The following ZNF778 variants were observed in gnomAD, a reference collection of about 807,000 sequenced individuals.
ZNF778 encodes the protein zinc finger protein 778.
Under a neutral mutation model 23.9 loss-of-function variants are expected in ZNF778, and 37 were observed. The ratio of observed to expected loss-of-function variants is 1.54; its 90% confidence interval spans 1.19 to 2.03. The LOEUF (loss-of-function observed/expected upper bound fraction) is 2.03. ZNF778 is among the 30% of genes most tolerant of loss of function. ZNF778 has a pLI of 0.00. For missense variants in ZNF778, 1,297 were observed against 934.4 expected (o/e 1.39, Z -5.06); for synonymous variants, 483 against 343.9 (o/e 1.40, Z -4.48).
intron 1 of ZNF778, among the ~76,000 whole-genome samples, chr16:89,219,168 C>G (rs1451108833): frequency 6.7e-6 from 1 of 150,352 alleles, no homozygotes; most frequent in Non-Finnish European, 1.5e-5. Context: ...TGTGTAATAT[C>G]TAGGATTCTC....
At position 89,233,946 on chromosome 16, in the gene ZNF778, C is replaced by G. The variant is rs1025143506; in HGVS notation, c.*5384C>G. 7 of 1,284,724 alleles carry G rather than the reference C, an allele frequency of 5.4e-6. No individual in the cohort carries two copies. The African/African-American group carries it at 9.1e-5, about 17-fold the overall frequency. 79.6% of individuals were successfully genotyped at this position (1,284,724 alleles called of 1,614,324 possible). A position where few individuals can be genotyped will look rare whatever the true frequency, so the allele number is the denominator to read the frequency against. The stretch of plus-strand genomic sequence containing the variant: ...GCAGGACATGCTGTATGCCCTTGGG[C>G]CTGCTGGAAGTATGCAGACTAGCCA... On this transcript the variant is annotated 3_prime_UTR_variant, in exon 7 of 7. Coordinates refer to ENST00000433976, the MANE Select transcript of ZNF778 (RefSeq NM_001201407.2).
At position 89,230,261 on chromosome 16, in the gene ZNF778, G is replaced by A. The variant is rs1429307145; in HGVS notation, c.*1699G>A. 9 of 184,272 alleles carry A rather than the reference G, an allele frequency of 4.9e-5. No homozygotes were observed. Among genetic ancestry groups the A allele is most frequent in the Admixed American group, 2.6e-4 (4 of 15,316 alleles). The allele number at this position is 184,272 out of a possible 1,614,324, so 11.4% of individuals were successfully genotyped here. A position where few individuals can be genotyped will look rare whatever the true frequency, so the allele number is the denominator to read the frequency against. On this transcript the variant is annotated 3_prime_UTR_variant, in exon 7 of 7. Transcript: ENST00000433976. ...GAGGTCTGTACCCTGAGATGCCCCC[G>A]TTTCATGGCCGTGGAGGGAGAACCA...
In ZNF778 at chr16:89,227,412, G is replaced by T. The variant is rs577915311; in HGVS notation, c.1124G>T (p.Gly375Val). Residue 375 changes from glycine to valine, a missense_variant, in exon 7 of 7, where the codon GGT becomes GTT. Gly to Val is a moderately radical substitution (Grantham distance 109). Coordinates refer to ENST00000433976, the MANE Select transcript of ZNF778 (RefSeq NM_001201407.2). ...YECKDCGKAC[G>V]GFYLLNEHGK... ...TGTAAGGACTGTGGGAAAGCCTGCG[G>T]TGGGTTTTATCTACTGAATGAGCAT... 3 of 1,612,152 alleles carry T rather than the reference G, an allele frequency of 1.9e-6. No individual in the cohort carries two copies. Among genetic ancestry groups the T allele is most frequent in the Non-Finnish European group, 2.5e-6 (3 of 1,179,190 alleles).
In ZNF778 at chr16:89,228,844, A is replaced by G. The variant is rs1252608120; in HGVS notation, c.*282A>G. ...TGTTGCTGTTCTGCTCAGTACTTTG[A>G]TGATCCCTTGTGATCTCACAATGAA... On this transcript the variant is annotated 3_prime_UTR_variant, in exon 7 of 7. Transcript: ENST00000433976. The G allele has an allele frequency of 8.8e-7, 1 of 1,130,422 alleles. No homozygotes were observed. The highest frequency in any genetic ancestry group is 1.1e-6 in the Non-Finnish European group (1 of 922,096). The allele number at this position is 1,130,422 out of a possible 1,614,324, so 70.0% of individuals were successfully genotyped here. A position where few individuals can be genotyped will look rare whatever the true frequency, so the allele number is the denominator to read the frequency against.
At chr16:89,226,634 G>A (rs2031493157) in intron 6 of ZNF778, 60 bp from the exon 7 acceptor site, 1 of 1,438,032 alleles carries the variant, frequency 7.0e-7, no homozygotes, top group Non-Finnish European at 9.5e-7. Flanking sequence ...TCTTCAGCTG[G>A]GTGAGATCTA....
In ZNF778 at chr16:89,227,797, A is replaced by G. The variant is rs199769385; in HGVS notation, c.1509A>G (p.Lys503=). The G allele has an allele frequency of 2.5e-6, 4 of 1,613,828 alleles. No homozygotes were observed. The East Asian group carries it at 8.9e-5, about 36-fold the overall frequency. The change falls in exon 7 of 7, where the codon AAA becomes AAG. Residue 503 remains lysine, a synonymous_variant. Coordinates refer to ENST00000433976, the MANE Select transcript of ZNF778 (RefSeq NM_001201407.2). ...TEHARIHTGE[K]PYECKQCGKA... ...ACGCGAGAATCCATACCGGAGAGAA[A>G]CCCTACGAATGTAAGCAGTGTGGCA...
rs1477433696 is a variant in ZNF778, at chr16:89,221,029, G to A, written c.-99G>A. On this transcript the variant is annotated 5_prime_UTR_variant, in exon 2 of 7. Transcript: ENST00000433976. Reference sequence around the variant, plus strand: ...GGATCCAGCCATCCGTGGGTCAGGAGGAATGGAGACTGTACCTTCCACATA... The same window carrying A: ...GGATCCAGCCATCCGTGGGTCAGGAAGAATGGAGACTGTACCTTCCACATA... The A allele has an allele frequency of 2.2e-6, 3 of 1,359,530 alleles. No homozygotes were observed. Among genetic ancestry groups the A allele is most frequent in the African/African-American group, 1.4e-5 (1 of 69,300 alleles). 84.2% of individuals were successfully genotyped at this position (1,359,530 alleles called of 1,614,324 possible). A position where few individuals can be genotyped will look rare whatever the true frequency, so the allele number is the denominator to read the frequency against.
chr16:89,224,246 G>A (rs1285973924), intron 4 of ZNF778, among the ~76,000 whole-genome samples: 1 of 151,846 alleles, frequency 6.6e-6, no homozygotes, highest in Non-Finnish European at 1.5e-5. Flanking sequence ...CAGCACTCTG[G>A]GATGCTGGAC....
Position 89,235,274 on chromosome 16 carries a change from G to A in ZNF778, c.*6712G>A, listed in dbSNP as rs1382246339. 2.0e-5 allele frequency: 3 copies of A among 151,322 alleles called. No homozygotes were observed. Among genetic ancestry groups the A allele is most frequent in the South Asian group, 2.1e-4 (1 of 4,810 alleles). The allele number at this position is 151,322 out of a possible 1,614,324, so 9.4% of individuals were successfully genotyped here. Reference sequence around the variant, plus strand: ...AGATCGGGGCCTCATGCTGACTTCCGTTTTCACACAACGAGTGGGAAACAG... The same window carrying A: ...AGATCGGGGCCTCATGCTGACTTCCATTTTCACACAACGAGTGGGAAACAG... On this transcript the variant is annotated 3_prime_UTR_variant, in exon 7 of 7. Coordinates refer to ENST00000433976, the MANE Select transcript of ZNF778 (RefSeq NM_001201407.2).
chr16:89,228,153 G>A lies in ZNF778; in HGVS notation c.1865G>A (p.Cys622Tyr). 1 of 1,613,590 alleles carries A rather than the reference G, an allele frequency of 6.2e-7. No individual in the cohort carries two copies. The highest frequency in any genetic ancestry group is 8.5e-7 in the Non-Finnish European group (1 of 1,179,676). The part of the protein sequence containing the change: ...TGEKPYECKV[C>Y]GKAFTTSSHL... ...GAGAAACCTTATGAATGTAAAGTAT[G>A]CGGAAAGGCCTTCACCACATCCTCA... Residue 622 changes from cysteine to tyrosine, a missense_variant, in exon 7 of 7, where the codon TGC (cysteine) becomes TAC (tyrosine). Coordinates refer to ENST00000433976, the MANE Select transcript of ZNF778 (RefSeq NM_001201407.2).
In ZNF778 at chr16:89,230,126, T is replaced by G. The variant is rs2031837348; in HGVS notation, c.*1564T>G. ...TGTAGGGTCCCACACTGGCCAATGTTGGGGCATAACACAGCTCTACATTTT... is the reference window on the plus strand; with the variant it reads ...TGTAGGGTCCCACACTGGCCAATGTGGGGGCATAACACAGCTCTACATTTT... On this transcript the variant is annotated 3_prime_UTR_variant, in exon 7 of 7. Transcript: ENST00000433976. 1 of 743,924 alleles carries G rather than the reference T, an allele frequency of 1.3e-6. No individual in the cohort carries two copies. Among genetic ancestry groups the G allele is most frequent in the Non-Finnish European group, 1.6e-6 (1 of 610,784 alleles). The allele number at this position is 743,924 out of a possible 1,614,324, so 46.1% of individuals were successfully genotyped here. A position where few individuals can be genotyped will look rare whatever the true frequency, so the allele number is the denominator to read the frequency against.
intron 6 of ZNF778, among the ~76,000 whole-genome samples, chr16:89,226,433 G>A (rs1430308836): frequency 4.6e-5 from 7 of 152,182 alleles, no homozygotes; most frequent in Middle Eastern, 3.4e-3. Flanking sequence ...TTGAACTCCC[G>A]ACCTCAGGTG....
rs945597797 is a variant in ZNF778 at position 89,229,382 on chromosome 16, G to T, written c.*820G>T. On this transcript the variant is annotated 3_prime_UTR_variant, in exon 7 of 7. Coordinates refer to ENST00000433976, the MANE Select transcript of ZNF778 (RefSeq NM_001201407.2). ...GTGTGAGCACTGTAGGCTCTGGTTGGTTAGTCTTGAGGATCCAGATGTGAT... is the reference window on the plus strand; with the variant it reads ...GTGTGAGCACTGTAGGCTCTGGTTGTTTAGTCTTGAGGATCCAGATGTGAT... The T allele has an allele frequency of 6.1e-6, 6 of 984,390 alleles. No individual in the cohort carries two copies. The highest frequency in any genetic ancestry group is 1.8e-5 in the African/African-American group (1 of 56,684). 61.0% of individuals were successfully genotyped at this position (984,390 alleles called of 1,614,324 possible).
In ZNF778 at chr16:89,221,162, G is replaced by A. The variant is rs370179855; in HGVS notation, c.25+10G>A. 32 of 1,559,258 alleles carry A rather than the reference G, an allele frequency of 2.1e-5. No individual in the cohort carries two copies. The African/African-American group carries it at 3.1e-4, about 15-fold the overall frequency. ...CCTGACCTGGCCCACGGTAAGTCCT[G>A]GTGGGGCTCCTTCTCAGAGCCTCTG... On this transcript the variant is annotated intron_variant, in intron 2 of 6. Coordinates refer to ENST00000433976, the MANE Select transcript of ZNF778 (RefSeq NM_001201407.2).
chr16:89,218,643 T>C (rs953278119), intron 1 of ZNF778, among the ~76,000 whole-genome samples: 1 of 151,054 alleles, frequency 6.6e-6, no homozygotes, highest in Non-Finnish European at 1.5e-5. Flanking sequence ...TACAAAAAAT[T>C]AGCCGGGCGT....
rs370776760 is a variant in ZNF778 at position 89,228,220 on chromosome 16, C to G, written c.1932C>G (p.Pro644=). ...VHIRTHTGEK[P]YICKECGKAF... is the part of the protein sequence containing the mutation. The stretch of plus-strand genomic sequence containing the variant: ...TAAGAACCCACACCGGTGAGAAACC[C>G]TACATATGTAAGGAGTGTGGGAAAG... The change falls in exon 7 of 7, where the codon CCC becomes CCG. Residue 644 remains proline, a synonymous_variant. Coordinates refer to ENST00000433976, the MANE Select transcript of ZNF778 (RefSeq NM_001201407.2). The G allele has an allele frequency of 5.6e-6, 9 of 1,613,308 alleles. No individual in the cohort carries two copies. The African/African-American group carries it at 1.1e-4, about 19-fold the overall frequency.
At chr16:89,224,696 G>A (rs905536996) in intron 4 of ZNF778, 23 bp from the exon 5 acceptor site, 9 of 1,519,048 alleles carry the variant, frequency 5.9e-6, no homozygotes, top group South Asian at 2.4e-5. Context: ...CTCTTCCATC[G>A]ATGTCTCTTT....
At position 89,236,169 on chromosome 16, in the gene ZNF778, T is replaced by A. The variant is rs1472883671; in HGVS notation, c.*7607T>A. 1.3e-5 allele frequency: 2 copies of A among 152,196 alleles called. No homozygotes were observed. Among genetic ancestry groups the A allele is most frequent in the Non-Finnish European group, 2.9e-5 (2 of 68,150 alleles). 9.4% of individuals were successfully genotyped at this position (152,196 alleles called of 1,614,324 possible). A position where few individuals can be genotyped will look rare whatever the true frequency, so the allele number is the denominator to read the frequency against. Reference sequence around the variant, plus strand: ...TCCAGCCTGGGCAACAGAGCGAGACTCTGTCTCAAAAAAGAAGAAAGAAAA... The same window carrying A: ...TCCAGCCTGGGCAACAGAGCGAGACACTGTCTCAAAAAAGAAGAAAGAAAA... On this transcript the variant is annotated 3_prime_UTR_variant, in exon 7 of 7. Transcript: ENST00000433976.
At chr16:89,221,848 G>A (rs577210158) in intron 2 of ZNF778, among the ~76,000 whole-genome samples, 2 of 150,386 alleles carry the variant, frequency 1.3e-5, no homozygotes, top group East Asian at 3.9e-4. Flanking sequence ...TCTTGAGGAA[G>A]TGTATGGCTG....
Sources: gnomAD v4.1 joint callset for allele counts (sites outside exome capture counted in the v4.1 genomes callset) on GRCh38, gnomAD v4.1.1 for gene constraint, MANE v1.5 for transcripts, NCBI Gene and HGNC (gene_info 2026-07-23, HGNC 2026-07-21) for gene names.